NEXN: variants seen among roughly 807,000 people sequenced by gnomAD.
NEXN encodes nexilin F-actin binding protein.
A neutral mutation model predicts 92.6 loss-of-function variants in NEXN; 65 were observed. That is an observed-to-expected ratio of 0.70 (90% CI 0.57 to 0.86). The LOEUF is 0.86. Among genes scored for constraint, NEXN ranks in the 40% least tolerant of loss-of-function variants. The probability of loss-of-function intolerance (pLI) is 0.00; values close to 1 mark genes in which losing one functional copy is unlikely to be tolerated. For synonymous variants in NEXN, 254 were observed against 242.5 expected (o/e 1.05, Z -0.44); for missense variants, 778 against 771.1 (o/e 1.01, Z -0.11).
chr1:77,929,135 T>C (rs895916956), intron 8 of NEXN, among the ~76,000 whole-genome samples, 181 bp from the exon 9 acceptor site: 1 of 152,232 alleles, frequency 6.6e-6, no homozygotes, highest in Non-Finnish European at 1.5e-5. Context: ...TTATATGGAA[T>C]TTCTCCAAAT....
intron 9 of NEXN, chr1:77,931,840 T>C (rs1650337175): frequency 6.6e-6 from 1 of 152,222 alleles, no homozygotes; most frequent in Admixed American, 6.5e-5. Flanking sequence ...AAATGAATAA[T>C]ACCCCTTGCC....
In NEXN at chr1:77,942,672, A is replaced by G. The variant is rs1202499982; in HGVS notation, c.1871A>G (p.Asp624Gly). Residue 624 changes from aspartate (D) to glycine (G), a missense_variant, in exon 13 of 13, where the codon GAT becomes GGT. By Grantham distance (94) the Asp-to-Gly change is moderately conservative. Coordinates refer to ENST00000334785, the MANE Select transcript of NEXN (RefSeq NM_144573.4). Reference sequence around the variant, plus strand: ...TGGTTTGAAGGAGAAATACTGCAGGATGGAGAAGACTATCAATATATTGAA... The same window carrying G: ...TGGTTTGAAGGAGAAATACTGCAGGGTGGAGAAGACTATCAATATATTGAA... Reference protein sequence around the residue: ...TWWFEGEILQDGEDYQYIERG... With the variant: ...TWWFEGEILQGGEDYQYIERG... 6.2e-7 allele frequency: 1 copy of G among 1,613,794 alleles called. No homozygotes were observed. The highest frequency in any genetic ancestry group is 8.5e-7 in the Non-Finnish European group (1 of 1,179,724).
intron 12 of NEXN, 36 bp from the exon 13 acceptor site, chr1:77,942,425 A>G (rs1651438669): frequency 3.1e-6 from 5 of 1,604,062 alleles, no homozygotes; most frequent in African/African-American, 1.3e-5. Context: ...TGAAAATACT[A>G]TAAATGCCAA....
intron 10 of NEXN, among the ~76,000 whole-genome samples, chr1:77,933,703 G>A (rs1416439463): frequency 6.6e-6 from 1 of 152,168 alleles, no homozygotes; most frequent in Non-Finnish European, 1.5e-5. Flanking sequence ...AGGTTTGCAA[G>A]TGACTGAGCT....
intron 1 of NEXN, among the ~76,000 whole-genome samples, chr1:77,902,516 CA>C (rs1453605468): frequency 6.6e-6 from 1 of 152,000 alleles, no homozygotes; most frequent in African/African-American, 2.4e-5. Flanking sequence ...ATGGTGAGTA[CA>C]GGTAGAATAT....
chr1:77,898,974 G>T (rs1388928108), intron 1 of NEXN, among the ~76,000 whole-genome samples: 3 of 152,344 alleles, frequency 2.0e-5, no homozygotes, highest in African/African-American at 7.2e-5. Context: ...TCTCACACCA[G>T]TTAGAATGGC....
At position 77,925,215 on chromosome 1, in the gene NEXN, G is replaced by T. The variant is rs758902476; in HGVS notation, c.475G>T (p.Glu159Ter). 1 of 1,597,890 alleles carries T rather than the reference G, an allele frequency of 6.3e-7. No individual in the cohort carries two copies. Among genetic ancestry groups the T allele is most frequent in the Admixed American group, 1.7e-5 (1 of 59,910 alleles). ...TGAGGACATAAACAATACGGGAACT[G>T]AATCAGCATCAGAGGTAAACAGACA... is the stretch of plus-strand genomic sequence containing the variant. ...QIEDINNTGT[E>*]SASEEGDDSL... Residue 159 changes from glutamate to a stop codon, truncating the protein, a stop_gained, in exon 6 of 13, where the codon GAA (glutamate) becomes TAA (stop). Coordinates refer to ENST00000334785, the MANE Select transcript of NEXN (RefSeq NM_144573.4). LOFTEE classifies it high-confidence loss of function.
At chr1:77,942,238 A>G (rs757817305) in intron 12 of NEXN, 30 bp downstream of exon 12, 21 of 1,603,610 alleles carry the variant, frequency 1.3e-5, no homozygotes, top group Non-Finnish European at 1.7e-5. Context: ...TTTATTTTCC[A>G]AAGATGCCCT....
intron 1 of NEXN, chr1:77,889,223 C>G (rs1647046404): frequency 6.5e-6 from 1 of 152,712 alleles, no homozygotes; most frequent in Admixed American, 6.5e-5. Context: ...CCGCGGTCTC[C>G]GTCTCTGCCA....
chr1:77,916,116 A>G lies in NEXN; in HGVS notation c.10A>G (p.Ile4Val). Residue 4 changes from isoleucine to valine, a missense_variant, in exon 2 of 13, where the codon ATT (isoleucine) becomes GTT (valine). Transcript: ENST00000334785. MND[I>V]SQKAEILLSS... is the part of the protein sequence containing the mutation. ...ACCACATAGAGCAAACATGAATGATATTTCCCAAAAGGCTGAGGTAAGTCT... is the reference window on the plus strand; with the variant it reads ...ACCACATAGAGCAAACATGAATGATGTTTCCCAAAAGGCTGAGGTAAGTCT... 1.9e-6 allele frequency: 3 copies of G among 1,607,506 alleles called. No individual in the cohort carries two copies. Among genetic ancestry groups the G allele is most frequent in the Non-Finnish European group, 2.6e-6 (3 of 1,176,160 alleles).
chr1:77,898,170 C>T (rs1647389097), intron 1 of NEXN, among the ~76,000 whole-genome samples: 1 of 152,180 alleles, frequency 6.6e-6, no homozygotes, highest in Non-Finnish European at 1.5e-5. Context: ...CTTTAAAGTT[C>T]ATATGGAACC....
chr1:77,916,343 A>C (rs1430379148), intron 2 of NEXN, among the ~76,000 whole-genome samples: 1 of 152,196 alleles, frequency 6.6e-6, no homozygotes, highest in Non-Finnish European at 1.5e-5. Flanking sequence ...TCTACAAAGC[A>C]TGAGTAGTAA....
chr1:77,941,992 C>T (rs376771549), intron 11 of NEXN, 31 bp from the exon 12 acceptor site: 1 of 1,601,686 alleles, frequency 6.2e-7, no homozygotes, highest in Non-Finnish European at 8.5e-7. Flanking sequence ...AGAAGGCAAG[C>T]AATTGTTAAT....
In NEXN at chr1:77,929,353, T is replaced by C; in HGVS notation, c.902T>C (p.Ile301Thr). ...GAGGAAAACCAAGACACAGCAAAAATTTTTAAAGGGTACCGCCCTGGTAAA... is the reference window on the plus strand; with the variant it reads ...GAGGAAAACCAAGACACAGCAAAAACTTTTAAAGGGTACCGCCCTGGTAAA... ...EDEENQDTAKIFKGYRPGKLK... is the reference protein window; with the variant it reads ...EDEENQDTAKTFKGYRPGKLK... The change falls in exon 9 of 13, where the codon ATT becomes ACT. Residue 301 changes from isoleucine to threonine, a missense_variant. By Grantham distance (89) the Ile-to-Thr change is moderately conservative. This residue lies in a region of NEXN where 532 missense variants were observed against 476.7 expected (regional missense o/e 1.12). Coordinates refer to ENST00000334785, the MANE Select transcript of NEXN (RefSeq NM_144573.4). The C allele has an allele frequency of 6.2e-7, 1 of 1,613,614 alleles. No homozygotes were observed. Among genetic ancestry groups the C allele is most frequent in the South Asian group, 1.1e-5 (1 of 91,008 alleles).
intron 1 of NEXN, among the ~76,000 whole-genome samples, chr1:77,910,761 A>AAAC (rs569019434): frequency 0.048 from 5,979 of 124,970 alleles, 210 homozygotes; most frequent in African/African-American, 0.092. Flanking sequence ...AAAAAAAAAA[A>AAAC]AAAAAAAAAA....
intron 1 of NEXN, among the ~76,000 whole-genome samples, chr1:77,908,102 G>C (rs1342951433): frequency 6.6e-6 from 1 of 151,938 alleles, no homozygotes; most frequent in Non-Finnish European, 1.5e-5. Context: ...TTTAAAGACA[G>C]TCTCATGCTT....
At chr1:77,903,108 A>G (rs929961153) in intron 1 of NEXN, among the ~76,000 whole-genome samples, 11 of 152,126 alleles carry the variant, frequency 7.2e-5, no homozygotes, top group African/African-American at 1.2e-4. Flanking sequence ...ACATCCTCAG[A>G]GTTAGAGTGA....
intron 1 of NEXN, among the ~76,000 whole-genome samples, chr1:77,898,325 G>A (rs1191138762): frequency 6.6e-6 from 1 of 152,146 alleles, no homozygotes; most frequent in Non-Finnish European, 1.5e-5. Context: ...ATAGATCAAT[G>A]GAACAGGACA....
intron 8 of NEXN, among the ~76,000 whole-genome samples, chr1:77,927,382 A>G (rs1649938376): frequency 1.3e-5 from 2 of 152,294 alleles, no homozygotes; most frequent in South Asian, 2.1e-4. Flanking sequence ...TATGCAAAAT[A>G]ATTACTCAAT....
Sources: allele counts gnomAD v4.1 joint callset (sites outside exome capture counted in the v4.1 genomes callset), GRCh38; gene constraint gnomAD v4.1.1; regional missense constraint gnomAD v4.1.1; transcripts MANE v1.5; gene names NCBI Gene and HGNC (gene_info 2026-07-23, HGNC 2026-07-21).